The following AKAP19 variants were observed in gnomAD, a reference collection of about 807,000 sequenced individuals.
AKAP19 encodes A-kinase anchoring protein 19, also known as small A-kinase anchoring protein.
the AKAP19 span, chr2:189,924,043 G>A: frequency 6.5e-7 from 1 of 1,549,280 alleles, no homozygotes; most frequent in South Asian, 1.1e-5. Context: ...AGACTAATGT[G>A]AAGATGGAGT....
At chr2:190,065,326 C>T in the AKAP19 span, among the ~76,000 whole-genome samples, 8 of 152,190 alleles carry the variant, frequency 5.3e-5, no homozygotes, top group South Asian at 6.2e-4. Context: ...GTGATAGATA[C>T]AGAGTTTCAG....
chr2:190,022,708 T>C, the AKAP19 span, among the ~76,000 whole-genome samples: 3 of 152,170 alleles, frequency 2.0e-5, no homozygotes, highest in African/African-American at 7.2e-5. Context: ...TTAAATATTA[T>C]GTAAATAAAG....
chr2:190,077,330 C>A, the AKAP19 span, among the ~76,000 whole-genome samples: 147 of 152,048 alleles, frequency 9.7e-4, 1 homozygote, highest in Non-Finnish European at 1.8e-3. Context: ...CTGCCTCAGC[C>A]TCCCGAGTAG....
At chr2:190,164,269 T>C in the AKAP19 span, among the ~76,000 whole-genome samples, 1 of 152,254 alleles carries the variant, frequency 6.6e-6, no homozygotes, top group Non-Finnish European at 1.5e-5. Context: ...ATGTGTTGGC[T>C]CATGCCTGTT....
At chr2:190,141,845 A>G in the AKAP19 span, among the ~76,000 whole-genome samples, 1 of 152,226 alleles carries the variant, frequency 6.6e-6, no homozygotes, top group African/African-American at 2.4e-5. Context: ...TTGACTCACA[A>G]GAGACACAAG....
the AKAP19 span, among the ~76,000 whole-genome samples, chr2:190,184,635 G>T: frequency 6.6e-6 from 1 of 152,162 alleles, no homozygotes; most frequent in Admixed American, 6.6e-5. Flanking sequence ...AGGAGGACTA[G>T]GAAGTCTGCA....
chr2:189,974,415 G>A, the AKAP19 span, among the ~76,000 whole-genome samples: 1 of 152,090 alleles, frequency 6.6e-6, no homozygotes, highest in Non-Finnish European at 1.5e-5. Context: ...GGTCAATTTT[G>A]GAATAAGTGT....
the AKAP19 span, among the ~76,000 whole-genome samples, chr2:190,064,740 C>T: frequency 6.6e-6 from 1 of 152,266 alleles, no homozygotes; most frequent in East Asian, 1.9e-4. Context: ...CAGGTCATAG[C>T]TGCCAATTAT....
chr2:190,091,887 A>T, the AKAP19 span, among the ~76,000 whole-genome samples: 1 of 152,156 alleles, frequency 6.6e-6, no homozygotes, highest in African/African-American at 2.4e-5. Context: ...AAAACTAAAA[A>T]TCACTCATAA....
the AKAP19 span, among the ~76,000 whole-genome samples, chr2:190,133,830 C>G: frequency 0.01 from 1,592 of 152,156 alleles, 24 homozygotes; most frequent in African/African-American, 0.036. Flanking sequence ...CTGACTGGGT[C>G]TGGGGTTGTA....
chr2:190,162,407 C>T, the AKAP19 span, among the ~76,000 whole-genome samples: 111,944 of 151,974 alleles, frequency 0.74, 42,580 homozygotes, highest in East Asian at 0.99. Flanking sequence ...CCCAAAATAA[C>T]GTTGAATATA....
chr2:189,912,443 AG>A, the AKAP19 span, among the ~76,000 whole-genome samples: 1 of 152,198 alleles, frequency 6.6e-6, no homozygotes, highest in African/African-American at 2.4e-5. Context: ...GGGGTGGCTG[AG>A]GCTGGAGAAT....
the AKAP19 span, among the ~76,000 whole-genome samples, chr2:190,185,271 C>T: frequency 6.6e-6 from 1 of 152,180 alleles, no homozygotes; most frequent in African/African-American, 2.4e-5. Context: ...AAGCTGTCCT[C>T]TACCCTCTTA....
At chr2:189,888,577 G>A in the AKAP19 span, among the ~76,000 whole-genome samples, 1 of 152,098 alleles carries the variant, frequency 6.6e-6, no homozygotes, top group Admixed American at 6.6e-5. Context: ...TCATGAGCAT[G>A]GAATGTTTTT....
the AKAP19 span, among the ~76,000 whole-genome samples, chr2:190,136,585 C>T: frequency 0.013 from 2,035 of 152,276 alleles, 17 homozygotes; most frequent in Middle Eastern, 0.027. Flanking sequence ...CTACTCTTTG[C>T]CCTCTGCCTC....
chr2:189,885,489 CT>C, the AKAP19 span, among the ~76,000 whole-genome samples: 1 of 152,230 alleles, frequency 6.6e-6, no homozygotes, highest in Admixed American at 6.5e-5. Flanking sequence ...CAGCAGCCAT[CT>C]GATTACAACT....
the AKAP19 span, among the ~76,000 whole-genome samples, chr2:190,183,502 G>A: frequency 3.9e-5 from 6 of 152,038 alleles, no homozygotes; most frequent in Admixed American, 1.3e-4. Context: ...CTAGAAATCC[G>A]CAGTCTTTTC....
At chr2:189,932,808 C>T in the AKAP19 span, among the ~76,000 whole-genome samples, 4 of 151,624 alleles carry the variant, frequency 2.6e-5, no homozygotes, top group Non-Finnish European at 5.9e-5. Context: ...TTTTTATTGA[C>T]TGAATATGTC....
the AKAP19 span, among the ~76,000 whole-genome samples, chr2:190,033,298 G>T: frequency 6.6e-6 from 1 of 152,102 alleles, no homozygotes; most frequent in Non-Finnish European, 1.5e-5. Flanking sequence ...TTTTTGTTTA[G>T]TCTTCTTTAA....
Sources: gnomAD v4.1 joint callset for allele counts (sites outside exome capture counted in the v4.1 genomes callset) on GRCh38, gnomAD v4.1.1 for gene constraint, MANE v1.5 for transcripts, NCBI Gene and HGNC (gene_info 2026-07-23, HGNC 2026-07-21) for gene names.